AUTS2: variants seen among roughly 807,000 people sequenced by gnomAD.
AUTS2 encodes activator of transcription and developmental regulator AUTS2.
AUTS2 carries 17 observed loss-of-function variants against 112.4 expected under a neutral mutation model. The observed-to-expected ratio is 0.15, with a 90% CI of 0.10 to 0.23. The LOEUF (loss-of-function observed/expected upper bound fraction) is 0.23, where lower values mean the gene tolerates loss of function less well. Among genes scored for constraint, AUTS2 ranks in the 10% least tolerant of loss-of-function variants. AUTS2 has a pLI of 1.00. For missense variants in AUTS2, 1,510 were observed against 1,701.6 expected, an observed-to-expected ratio of 0.89 and a Z score of 1.98; for synonymous variants, 751 against 702.7, an observed-to-expected ratio of 1.07 and a Z score of -1.09.
At chr7:70,504,745 C>A (rs1012328531) in intron 5 of AUTS2, among the ~76,000 whole-genome samples, 1 of 152,114 alleles carries the variant, frequency 6.6e-6, no homozygotes, top group South Asian at 2.1e-4. Flanking sequence ...CTAAGACAAG[C>A]CAGAATCTTT....
At chr7:70,357,454 A>G (rs368907021) in intron 4 of AUTS2, among the ~76,000 whole-genome samples, 36 of 152,096 alleles carry the variant, frequency 2.4e-4, no homozygotes, top group East Asian at 9.7e-4. Flanking sequence ...ATCCATTACT[A>G]CTTTGTCATT....
chr7:70,165,958 A>C (rs1259416581), intron 4 of AUTS2, among the ~76,000 whole-genome samples: 1 of 152,128 alleles, frequency 6.6e-6, no homozygotes. Flanking sequence ...TGTTCTCATG[A>C]TAGCGAGTGA....
At chr7:70,667,136 A>G (rs1355765508) in intron 5 of AUTS2, among the ~76,000 whole-genome samples, 1 of 152,224 alleles carries the variant, frequency 6.6e-6, no homozygotes, top group Admixed American at 6.5e-5. Context: ...AGCTCATGTT[A>G]AATTGAAGAC....
chr7:70,461,681 C>T (rs536516587), intron 5 of AUTS2, among the ~76,000 whole-genome samples: 44 of 152,232 alleles, frequency 2.9e-4, no homozygotes, highest in Non-Finnish European at 2.8e-4. Context: ...TCTCCTCTTT[C>T]CAACTAAGAA....
At chr7:70,487,202 T>C (rs1798045729) in intron 5 of AUTS2, among the ~76,000 whole-genome samples, 1 of 152,106 alleles carries the variant, frequency 6.6e-6, no homozygotes, top group Non-Finnish European at 1.5e-5. Context: ...CTGACTCATC[T>C]ACCTCATCCT....
At chr7:70,674,285 T>A (rs991078705) in intron 5 of AUTS2, among the ~76,000 whole-genome samples, 7 of 152,200 alleles carry the variant, frequency 4.6e-5, no homozygotes, top group Non-Finnish European at 8.8e-5. Flanking sequence ...TTCTCTTTTT[T>A]AAAAAAATTC....
In AUTS2 at chr7:69,707,555, T is replaced by G. The variant is rs139279225; in HGVS notation, c.309+107593T>G. ...ACTTTGGGCATGCCACTGAAATATC[T>G]TAATCATTAGATTTATCATCTAGGT... On this transcript the variant is annotated intron_variant, in intron 1 of 18. Transcript: ENST00000342771. Among the ~76,000 whole-genome samples the G allele has an allele frequency of 2.0e-5, 3 of 152,364 alleles. No homozygotes were observed. In the East Asian group the frequency reaches 5.8e-4, roughly 29 times the overall value.
At chr7:69,885,564 C>T (rs1405908103) in intron 1 of AUTS2, among the ~76,000 whole-genome samples, 1 of 152,094 alleles carries the variant, frequency 6.6e-6, no homozygotes, top group East Asian at 1.9e-4. Flanking sequence ...AACAAAAGAC[C>T]CTAATCTTGG....
chr7:69,614,818 T>A (rs936062821), intron 1 of AUTS2, among the ~76,000 whole-genome samples: 5 of 152,124 alleles, frequency 3.3e-5, no homozygotes, highest in African/African-American at 1.2e-4. Context: ...CAGTTTCTTC[T>A]TGGAATCACC....
chr7:70,153,134 C>T (rs1380742363), intron 4 of AUTS2, among the ~76,000 whole-genome samples: 1 of 152,108 alleles, frequency 6.6e-6, no homozygotes, highest in Non-Finnish European at 1.5e-5. Flanking sequence ...TTCATAGTAG[C>T]TTTATTTGTA....
chr7:69,899,208 T>C (rs1054092496), intron 1 of AUTS2, 78 bp from the exon 2 acceptor site: 2 of 1,054,056 alleles, frequency 1.9e-6, no homozygotes, highest in Non-Finnish European at 2.9e-6. Context: ...CACCCTTTAG[T>C]ATTTAGCCTA....
At chr7:69,815,629 C>T (rs998241830) in intron 1 of AUTS2, among the ~76,000 whole-genome samples, 4 of 152,146 alleles carry the variant, frequency 2.6e-5, no homozygotes, top group African/African-American at 9.7e-5. Flanking sequence ...ATTCTCCTGC[C>T]TCAGCCTCCC....
chr7:70,087,418 G>A (rs1803667438), intron 2 of AUTS2, among the ~76,000 whole-genome samples: 2 of 147,674 alleles, frequency 1.4e-5, no homozygotes, highest in Admixed American at 1.4e-4. Context: ...AGCCCAGTCT[G>A]GAGTGCAATG....
chr7:69,990,572 A>T (rs377333351), intron 2 of AUTS2, among the ~76,000 whole-genome samples: 1 of 152,138 alleles, frequency 6.6e-6, no homozygotes, highest in South Asian at 2.1e-4. Flanking sequence ...GTGGATACAA[A>T]TGAAAATATG....
At chr7:70,478,007 TG>T (rs1295939811) in intron 5 of AUTS2, among the ~76,000 whole-genome samples, 1 of 122,120 alleles carries the variant, frequency 8.2e-6, no homozygotes, top group African/African-American at 3.4e-5. Flanking sequence ...AAGAGTCCCA[TG>T]GGAAGAATTG....
Position 70,096,783 on chromosome 7 carries a change from G to A in AUTS2, c.523-21349G>A, listed in dbSNP as rs573357933. Reference sequence around the variant, plus strand: ...AGAAGGAGGATAATGCTGAGTTCAAGTACGATATAGAAATCATCATATCTT... The same window carrying A: ...AGAAGGAGGATAATGCTGAGTTCAAATACGATATAGAAATCATCATATCTT... On this transcript the variant is annotated intron_variant, in intron 2 of 18. Transcript: ENST00000342771. 1.4e-4 allele frequency among the ~76,000 whole-genome samples: 21 copies of A among 152,190 alleles called. No homozygotes were observed. The South Asian group carries it at 4.4e-3, about 32-fold the overall frequency.
chr7:70,648,585 G>C (rs1395734307), intron 5 of AUTS2, among the ~76,000 whole-genome samples: 1 of 151,994 alleles, frequency 6.6e-6, no homozygotes. Context: ...TTTTTGTTTT[G>C]TTTCGTTTTG....
At chr7:70,378,967 A>G (rs1362773262) in intron 4 of AUTS2, among the ~76,000 whole-genome samples, 1 of 152,188 alleles carries the variant, frequency 6.6e-6, no homozygotes, top group Non-Finnish European at 1.5e-5. Context: ...ATTTGTTAGA[A>G]CATTGTTTCA....
intron 3 of AUTS2, 146 bp from the exon 4 acceptor site, chr7:70,134,390 C>G: frequency 1.5e-6 from 1 of 669,848 alleles, no homozygotes; most frequent in Non-Finnish European, 2.7e-6. Flanking sequence ...GTGTTTGTAT[C>G]AGTAGCAGAT....
Sources: gnomAD v4.1 joint callset for allele counts (sites outside exome capture counted in the v4.1 genomes callset) on GRCh38, gnomAD v4.1.1 for gene constraint, MANE v1.5 for transcripts, NCBI Gene and HGNC (gene_info 2026-07-23, HGNC 2026-07-21) for gene names.